Variants in PSMD3 observed in about 807,000 individuals in gnomAD.
PSMD3 encodes proteasome 26S subunit, non-ATPase 3.
PSMD3 carries 5 observed loss-of-function variants against 62.8 expected under a neutral mutation model. The observed-to-expected ratio is 0.08, with a 90% CI of 0.04 to 0.17. The LOEUF (loss-of-function observed/expected upper bound fraction) is 0.17. Among genes scored for constraint, PSMD3 ranks in the 10% least tolerant of loss-of-function variants. The pLI is 1.00. For synonymous variants in PSMD3, 265 were observed against 283.9 expected (o/e 0.93, Z 0.67); for missense variants, 524 against 713.6 (o/e 0.73, Z 3.03).
chr17:39,990,639 A>G (rs780318799), intron 6 of PSMD3, among the ~76,000 whole-genome samples: 1 of 152,206 alleles, frequency 6.6e-6, no homozygotes, highest in Non-Finnish European at 1.5e-5. Flanking sequence ...TGAAGCAGAC[A>G]CTACCTGCAC....
At chr17:39,993,554 T>C (rs1980711245) in intron 6 of PSMD3, 1 of 152,486 alleles carries the variant, frequency 6.6e-6, no homozygotes, top group South Asian at 2.1e-4. Context: ...CTCTCCCCCA[T>C]CCTCCTTCCC....
chr17:39,990,644 C>T (rs571714846), intron 6 of PSMD3, among the ~76,000 whole-genome samples: 1 of 152,292 alleles, frequency 6.6e-6, no homozygotes, highest in African/African-American at 2.4e-5. Context: ...CAGACACTAC[C>T]TGCACCTCTG....
In PSMD3 at chr17:39,995,761, T is replaced by G. The variant is rs1466080175; in HGVS notation, c.1320+234T>G. 2 of 561,994 alleles carry G rather than the reference T, an allele frequency of 3.6e-6. No individual in the cohort carries two copies. Among genetic ancestry groups the G allele is most frequent in the Non-Finnish European group, 6.4e-6 (2 of 312,542 alleles). The allele number at this position is 561,994 out of a possible 1,614,324, so 34.8% of individuals were successfully genotyped here. A position where few individuals can be genotyped will look rare whatever the true frequency, so the allele number is the denominator to read the frequency against. On this transcript the variant is annotated intron_variant, in intron 9 of 11. Transcript: ENST00000264639. This position sits in a 1 kb window ranked among gnomAD's most constrained non-coding sequence, Gnocchi z 4.1. ...CATGTTGAGTTTATGATAGTGCCTGTGAGTGTGAGAATATAAGGAGGGCAG... is the reference window on the plus strand; with the variant it reads ...CATGTTGAGTTTATGATAGTGCCTGGGAGTGTGAGAATATAAGGAGGGCAG...
chr17:39,986,503 G>A, intron 2 of PSMD3, 72 bp from the exon 3 acceptor site: 2 of 1,556,028 alleles, frequency 1.3e-6, no homozygotes, highest in Non-Finnish European at 1.8e-6. Context: ...GAAATACATA[G>A]TGGATGCTCA....
intron 2 of PSMD3, among the ~76,000 whole-genome samples, chr17:39,984,941 C>T (rs1568136241): frequency 1.3e-5 from 2 of 151,154 alleles, no homozygotes; most frequent in Admixed American, 1.3e-4. Context: ...TGGCTAACAT[C>T]GTCATCCCAG....
chr17:39,981,117 G>A lies in PSMD3; in HGVS notation c.147G>A (p.Gly49=). The stretch of plus-strand genomic sequence containing the variant: ...CAGCGACGGGTGGCGGGTCGACGGG[G>A]GAGGCAGACGGCAAGACGGCGGCGG... ...EEAATGGGST[G]EADGKTAAAA... Residue 49 remains glycine (G), a synonymous_variant, in exon 1 of 12, where the codon GGG becomes GGA. Coordinates refer to ENST00000264639, the MANE Select transcript of PSMD3 (RefSeq NM_002809.4). 1.9e-6 allele frequency: 3 copies of A among 1,550,758 alleles called. No homozygotes were observed. Among genetic ancestry groups the A allele is most frequent in the Non-Finnish European group, 2.6e-6 (3 of 1,146,680 alleles).
chr17:39,995,434 G>A lies in PSMD3; in HGVS notation c.1227G>A (p.Met409Ile). The change falls in exon 9 of 12, where the codon ATG becomes ATA. Residue 409 changes from methionine to isoleucine, a missense_variant. By Grantham distance (10) the Met-to-Ile change is conservative. Transcript: ENST00000264639. This position sits in a 1 kb window ranked among gnomAD's most constrained non-coding sequence, Gnocchi z 4.1. ...TCCTTCCTCTCCCAGGTGTACGCAT[G>A]ATCAGCCTCTCCTATTCCCGAATCT... is the stretch of plus-strand genomic sequence containing the variant. ...RHNVIKTGVR[M>I]ISLSYSRISL... 1 of 1,613,940 alleles carries A rather than the reference G, an allele frequency of 6.2e-7. No homozygotes were observed. The highest frequency in any genetic ancestry group is 8.5e-7 in the Non-Finnish European group (1 of 1,179,850).
rs776569029 is a variant in PSMD3 at position 39,980,932 on chromosome 17, C to A, written c.-39C>A. 1.2e-5 allele frequency: 18 copies of A among 1,458,460 alleles called. No homozygotes were observed. Among genetic ancestry groups the A allele is most frequent in the Non-Finnish European group, 1.6e-5 (18 of 1,106,426 alleles). 90.3% of individuals were successfully genotyped at this position (1,458,460 alleles called of 1,614,324 possible). A position where few individuals can be genotyped will look rare whatever the true frequency, so the allele number is the denominator to read the frequency against. The stretch of plus-strand genomic sequence containing the variant: ...CGGTGCGAGGGTTAACGCGAGGCCC[C>A]GGCCTCGGTCCCCGGACTAGGCCGT... On this transcript the variant is annotated 5_prime_UTR_variant, in exon 1 of 12. Transcript: ENST00000264639.
chr17:39,992,039 A>G (rs1980669241), intron 6 of PSMD3, among the ~76,000 whole-genome samples: 2 of 147,506 alleles, frequency 1.4e-5, no homozygotes, highest in Non-Finnish European at 3.0e-5. Context: ...AAAAACAAAC[A>G]TTAAAATTGA....
intron 1 of PSMD3, 46 bp downstream of exon 1, chr17:39,981,236 C>T (rs1156305296): frequency 2.6e-6 from 4 of 1,546,606 alleles, no homozygotes; most frequent in Non-Finnish European, 3.5e-6. Flanking sequence ...CGGGTGACAG[C>T]GACCCCTGTG....
In PSMD3 at chr17:39,986,649, A is replaced by C. The variant is rs780191901; in HGVS notation, c.486A>C (p.Glu162Asp). The C allele has an allele frequency of 8.7e-6, 14 of 1,614,178 alleles. No individual in the cohort carries two copies. Among genetic ancestry groups the C allele is most frequent in the Non-Finnish European group, 1.2e-5 (14 of 1,180,036 alleles). ...CTGCGTCGACACCCCTCCTGCCTGA[A>C]GTGGAAGCCTATCTCCAACTCCTCG... ...GKAASTPLLP[E>D]VEAYLQLLVV... is the part of the protein sequence containing the mutation. Residue 162 changes from glutamate to aspartate, a missense_variant, in exon 3 of 12, where the codon GAA becomes GAC. Glu to Asp is a conservative substitution (Grantham distance 45, BLOSUM62 2). Around this residue, in one of 4 missense-constraint regions of PSMD3, gnomAD observed 396 missense variants for 475.8 expected, o/e 0.83. Coordinates refer to ENST00000264639, the MANE Select transcript of PSMD3 (RefSeq NM_002809.4).
rs1322365524 is a variant in PSMD3 at position 39,996,130 on chromosome 17, AAAAAAG to A, written c.1321-50_1321-45del. The A allele has an allele frequency of 1.9e-6, 3 of 1,607,204 alleles. No individual in the cohort carries two copies. The highest frequency in any genetic ancestry group is 1.7e-5 in the Admixed American group (1 of 59,052). ...AGCGAGACTCCATCTCAAAAAAAAA[AAAAAAG>A]AAGAAGCTGGGTGTGCTGGTGAACT... On this transcript the variant is annotated intron_variant, in intron 9 of 11. Coordinates refer to ENST00000264639, the MANE Select transcript of PSMD3 (RefSeq NM_002809.4). The surrounding 1 kb of genome is among the most constrained non-coding windows in gnomAD (Gnocchi z 5.1).
At position 39,981,049 on chromosome 17, in the gene PSMD3, C is replaced by A; in HGVS notation, c.79C>A (p.Pro27Thr). ...PPPGGGEQEPPPPPAPQDVEM... is the reference protein window; with the variant it reads ...PPPGGGEQEPTPPPAPQDVEM... ...GCCCGGCGGAGGAGAACAAGAACCC[C>A]CACCGCCGCCGGCCCCCCAGGATGT... Residue 27 changes from proline to threonine, a missense_variant, in exon 1 of 12, where the codon CCA (proline) becomes ACA (threonine). Physicochemically the swap from Pro to Thr is conservative, Grantham distance 38. Coordinates refer to ENST00000264639, the MANE Select transcript of PSMD3 (RefSeq NM_002809.4). 1 of 1,549,746 alleles carries A rather than the reference C, an allele frequency of 6.5e-7. No homozygotes were observed. Among genetic ancestry groups the A allele is most frequent in the Non-Finnish European group, 8.7e-7 (1 of 1,146,658 alleles).
chr17:39,991,831 A>G (rs1327231536), intron 6 of PSMD3, among the ~76,000 whole-genome samples: 1 of 152,016 alleles, frequency 6.6e-6, no homozygotes, highest in Admixed American at 6.6e-5. Flanking sequence ...CTTGAGACCA[A>G]CCTGAGCAAC....
chr17:39,997,792 AG>A lies in PSMD3; in HGVS notation c.*213del. ...CTGTACAGCAGGCAGGAGGGTGGGC[AG>A]GCAACCTCCCCGGGCAGGGTCCTGG... is the stretch of plus-strand genomic sequence containing the variant. On this transcript the variant is annotated 3_prime_UTR_variant, in exon 12 of 12. Coordinates refer to ENST00000264639, the MANE Select transcript of PSMD3 (RefSeq NM_002809.4). The A allele has an allele frequency of 1.6e-6, 1 of 611,200 alleles. No individual in the cohort carries two copies. The highest frequency in any genetic ancestry group is 2.9e-6 in the Non-Finnish European group (1 of 346,868). 37.9% of individuals were successfully genotyped at this position (611,200 alleles called of 1,614,324 possible).
At chr17:39,990,229 C>CAT in intron 6 of PSMD3, 32 bp downstream of exon 6, 6 of 1,156,198 alleles carry the variant, frequency 5.2e-6, no homozygotes, top group Non-Finnish European at 7.1e-6. Flanking sequence ...CCCTTTGCCT[C>CAT]TTTTTTTTTT....
chr17:39,997,499 C>G lies in PSMD3; in HGVS notation c.1528-5C>G. On this transcript the variant is annotated splice_region_variant and splice_polypyrimidine_tract_variant and intron_variant, in intron 11 of 11. Coordinates refer to ENST00000264639, the MANE Select transcript of PSMD3 (RefSeq NM_002809.4). ...AGCTTTGGCCTCACTTGCCTCTCTC[C>G]CCAGGAACGGCGTGAGCGAGAACAG... The G allele has an allele frequency of 6.2e-7, 1 of 1,614,150 alleles. No homozygotes were observed. The highest frequency in any genetic ancestry group is 8.5e-7 in the Non-Finnish European group (1 of 1,179,970).
intron 3 of PSMD3, among the ~76,000 whole-genome samples, 178 bp from the exon 4 acceptor site, chr17:39,988,505 T>G (rs1011397355): frequency 1.3e-5 from 2 of 152,244 alleles, no homozygotes; most frequent in Non-Finnish European, 2.9e-5. Flanking sequence ...GGGTTGTTTC[T>G]ACTCTTTGGT....
At chr17:39,983,501 T>C (rs909232782) in intron 1 of PSMD3, among the ~76,000 whole-genome samples, 25 of 152,352 alleles carry the variant, frequency 1.6e-4, no homozygotes, top group Middle Eastern at 3.4e-3. Flanking sequence ...TATACCATTA[T>C]ATCTCTTAAC....
Sources: allele counts gnomAD v4.1 joint callset (sites outside exome capture counted in the v4.1 genomes callset), GRCh38; gene constraint gnomAD v4.1.1; regional missense constraint gnomAD v4.1.1; non-coding constraint Gnocchi (gnomAD v3.1); transcripts MANE v1.5; gene names NCBI Gene and HGNC (gene_info 2026-07-23, HGNC 2026-07-21).